The following PRPSAP1 variants were observed in gnomAD, a reference collection of about 807,000 sequenced individuals.
The protein encoded by PRPSAP1 is phosphoribosyl pyrophosphate synthetase associated protein 1, also known as phosphoribosyl pyrophosphate synthase-associated protein 1.
Under a neutral mutation model 39.4 loss-of-function variants are expected in PRPSAP1, and 31 were observed. The ratio of observed to expected loss-of-function variants is 0.79; its 90% CI spans 0.59 to 1.06. The LOEUF (loss-of-function observed/expected upper bound fraction) is 1.06. PRPSAP1 is among the 50% of genes least tolerant of loss of function. The pLI, the probability that PRPSAP1 is intolerant of heterozygous loss-of-function variation, is 0.00. For missense variants in PRPSAP1, 430 were observed against 511.6 expected, an observed-to-expected ratio of 0.84 and a Z score of 1.54; for synonymous variants, 212 against 192.6, an observed-to-expected ratio of 1.10 and a Z score of -0.83.
At chr17:76,317,327 C>T (rs748310427) in intron 7 of PRPSAP1, among the ~76,000 whole-genome samples, 18 of 150,914 alleles carry the variant, frequency 1.2e-4, no homozygotes, top group Non-Finnish European at 2.4e-4. Flanking sequence ...TCCAGCCTGG[C>T]CGACAGAGCA....
intron 2 of PRPSAP1, among the ~76,000 whole-genome samples, chr17:76,347,054 GGA>G (rs1341752237): frequency 6.6e-6 from 1 of 151,932 alleles, no homozygotes; most frequent in Non-Finnish European, 1.5e-5. Flanking sequence ...CCATGACGAA[GGA>G]GAAAGAACAA....
chr17:76,353,208 T>C (rs921609079), intron 1 of PRPSAP1: 2 of 283,016 alleles, frequency 7.1e-6, no homozygotes, highest in African/African-American at 2.2e-5. Context: ...CCTGAGCCCC[T>C]TTCCCCAAGA....
intron 8 of PRPSAP1, chr17:76,313,467 A>G (rs1326372399): frequency 3.4e-6 from 1 of 291,710 alleles, no homozygotes; most frequent in Non-Finnish European, 6.4e-6. Context: ...CTGCACGGGG[A>G]CACCCATTCT....
intron 7 of PRPSAP1, among the ~76,000 whole-genome samples, chr17:76,315,062 A>G (rs1164122129): frequency 3.3e-5 from 5 of 152,234 alleles, no homozygotes. Context: ...CCTCAAAATC[A>G]GGAACTTGAA....
chr17:76,314,205 T>A, intron 7 of PRPSAP1: 1 of 261,554 alleles, frequency 3.8e-6, no homozygotes, highest in Non-Finnish European at 7.5e-6. Context: ...TATAAAAATG[T>A]ATGTATGTAT....
chr17:76,351,830 A>C (rs529899852), intron 1 of PRPSAP1, among the ~76,000 whole-genome samples: 4 of 152,286 alleles, frequency 2.6e-5, no homozygotes, highest in South Asian at 4.1e-4. Context: ...AACAAACAAA[A>C]AAAACCCTCA....
intron 3 of PRPSAP1, among the ~76,000 whole-genome samples, chr17:76,333,166 A>G (rs528293271): frequency 4.1e-4 from 62 of 152,058 alleles, no homozygotes; most frequent in African/African-American, 1.5e-3. Flanking sequence ...GCTGGACTGC[A>G]GTGGTGTGAT....
intron 5 of PRPSAP1, 123 bp from the exon 6 acceptor site, chr17:76,330,221 G>A (rs955234417): frequency 4.8e-6 from 4 of 837,070 alleles, no homozygotes; most frequent in Non-Finnish European, 5.5e-6. Context: ...TAGAATTTTA[G>A]TCACAAGTTT....
chr17:76,315,420 T>C (rs1322936288), intron 7 of PRPSAP1, among the ~76,000 whole-genome samples: 1 of 152,186 alleles, frequency 6.6e-6, no homozygotes, highest in Non-Finnish European at 1.5e-5. Context: ...CAACAGGCAC[T>C]GTGTATCTCA....
chr17:76,339,874 G>A (rs1433456261), intron 3 of PRPSAP1, among the ~76,000 whole-genome samples: 1 of 151,682 alleles, frequency 6.6e-6, no homozygotes, highest in Non-Finnish European at 1.5e-5. Flanking sequence ...CCTCATGCAT[G>A]TAATCCAAGC....
In PRPSAP1 at chr17:76,353,668, G is replaced by A. The variant is rs776898411; in HGVS notation, c.36C>T (p.Ser12=). 15 of 1,520,524 alleles carry A rather than the reference G, an allele frequency of 9.9e-6. No individual in the cohort carries two copies. Among genetic ancestry groups the A allele is most frequent in the South Asian group, 1.2e-5 (1 of 81,914 alleles). The allele number at this position is 1,520,524 out of a possible 1,614,324, so 94.2% of individuals were successfully genotyped here. ...GCGGGACGCGGAAAGCCGAGGACGC[G>A]GAGGGCGGGGGCAACAGCAGCAGCT... ...PKKLLLLPPP[S]ASSAFRVPRA... Residue 12 remains serine (S), a synonymous_variant, in exon 1 of 10, where the codon TCC becomes TCT. Coordinates refer to ENST00000446526, the MANE Select transcript of PRPSAP1 (RefSeq NM_002766.3).
rs146164772 is a variant in PRPSAP1 at position 76,326,194 on chromosome 17, G to C, written c.781+2523C>G. Reference sequence around the variant, plus strand: ...ACTGATATAAATGAAGAAATGAATAGGGAAGAAGAGAAAGCTTTCTTGCAT... The same window carrying C: ...ACTGATATAAATGAAGAAATGAATACGGAAGAAGAGAAAGCTTTCTTGCAT... On this transcript the variant is annotated intron_variant, in intron 7 of 9. Coordinates refer to ENST00000446526, the MANE Select transcript of PRPSAP1 (RefSeq NM_002766.3). Among the ~76,000 whole-genome samples, 185 of 152,194 alleles carry C rather than the reference G, an allele frequency of 1.2e-3. 1 individual carries two copies. Among genetic ancestry groups the C allele is most frequent in the African/African-American group, 4.3e-3 (180 of 41,512 alleles).
At chr17:76,329,352 C>A (rs762473594) in intron 6 of PRPSAP1, among the ~76,000 whole-genome samples, 1 of 152,164 alleles carries the variant, frequency 6.6e-6, no homozygotes, top group African/African-American at 2.4e-5. Context: ...GCGTGAGCCA[C>A]CCCGCCTGGC....
At chr17:76,317,241 T>C (rs2071134055) in intron 7 of PRPSAP1, among the ~76,000 whole-genome samples, 1 of 152,132 alleles carries the variant, frequency 6.6e-6, no homozygotes, top group Non-Finnish European at 1.5e-5. Flanking sequence ...TCTCAGCTAC[T>C]TGGGAGGCTG....
Position 76,311,567 on chromosome 17 carries a change from A to G in PRPSAP1, c.1133T>C (p.Phe378Ser). 6.2e-7 allele frequency: 1 copy of G among 1,613,610 alleles called. No individual in the cohort carries two copies. The highest frequency in any genetic ancestry group is 8.5e-7 in the Non-Finnish European group (1 of 1,179,800). ...IHNGESMAYL[F>S]RNITVDD The stretch of plus-strand genomic sequence containing the variant: ...CTAGTCATCCACAGTGATGTTTCGG[A>G]AAAGGTAGGCCATGGACTCTCCATT... Residue 378 changes from phenylalanine to serine, a missense_variant, in exon 10 of 10, where the codon TTC (phenylalanine) becomes TCC (serine). By Grantham distance (155) the Phe-to-Ser change is radical. This residue lies in a region of PRPSAP1 where 278 missense variants were observed against 376.3 expected (regional missense o/e 0.74). Coordinates refer to ENST00000446526, the MANE Select transcript of PRPSAP1 (RefSeq NM_002766.3).
At chr17:76,335,783 T>A (rs1003983694) in intron 3 of PRPSAP1, among the ~76,000 whole-genome samples, 2 of 152,126 alleles carry the variant, frequency 1.3e-5, no homozygotes, top group Non-Finnish European at 2.9e-5. Context: ...AGCCAGGAGT[T>A]TGATACCAGC....
chr17:76,343,001 C>T (rs1366166019), intron 3 of PRPSAP1, among the ~76,000 whole-genome samples: 4 of 152,082 alleles, frequency 2.6e-5, no homozygotes, highest in East Asian at 1.9e-4. Context: ...CACTTGAACC[C>T]GGGAGGTGGA....
intron 7 of PRPSAP1, among the ~76,000 whole-genome samples, chr17:76,320,032 G>A (rs2071172304): frequency 6.6e-6 from 1 of 152,012 alleles, no homozygotes; most frequent in Non-Finnish European, 1.5e-5. Context: ...CACTTTGGGA[G>A]GCCAAGGCAG....
intron 3 of PRPSAP1, among the ~76,000 whole-genome samples, chr17:76,340,129 G>C (rs577426123): frequency 7.3e-6 from 1 of 137,266 alleles, no homozygotes; most frequent in South Asian, 2.5e-4. Flanking sequence ...CTGTGTGACA[G>C]AGCAAGGCCT....
Sources: allele counts gnomAD v4.1 joint callset (sites outside exome capture counted in the v4.1 genomes callset), GRCh38; gene constraint gnomAD v4.1.1; regional missense constraint gnomAD v4.1.1; transcripts MANE v1.5; gene names NCBI Gene and HGNC (gene_info 2026-07-23, HGNC 2026-07-21).